The following GPC5 variants were observed in gnomAD, a reference collection of about 807,000 sequenced individuals.
The protein encoded by GPC5 is glypican 5, also known as glypican-5.
GPC5 carries 47 observed loss-of-function variants against 53.9 expected under a neutral mutation model. The ratio of observed to expected loss-of-function variants is 0.87; its 90% CI spans 0.69 to 1.11. The LOEUF (loss-of-function observed/expected upper bound fraction) is 1.11. Among genes scored for constraint, GPC5 ranks in the 50% most tolerant of loss-of-function variants. GPC5 has a pLI of 0.00. For missense variants in GPC5, 748 were observed against 713.1 expected, an observed-to-expected ratio of 1.05 and a Z score of -0.56; for synonymous variants, 286 against 263.3, an observed-to-expected ratio of 1.09 and a Z score of -0.84.
intron 7 of GPC5, among the ~76,000 whole-genome samples, chr13:92,311,042 G>A (rs1450329451): frequency 2.0e-5 from 3 of 152,106 alleles, no homozygotes; most frequent in Admixed American, 2.0e-4. Context: ...TGAAAATAGA[G>A]AGAAAAAATA....
At chr13:92,582,385 C>T (rs377347324) in intron 7 of GPC5, among the ~76,000 whole-genome samples, 10 of 152,086 alleles carry the variant, frequency 6.6e-5, no homozygotes, top group African/African-American at 2.4e-4. Flanking sequence ...TTGTTTATGC[C>T]TGTACCATAC....
At chr13:91,873,919 C>A (rs1017125074) in intron 5 of GPC5, among the ~76,000 whole-genome samples, 2 of 152,106 alleles carry the variant, frequency 1.3e-5, no homozygotes, top group African/African-American at 4.8e-5. Context: ...TGAACTCAAA[C>A]TATCCTCCTG....
At chr13:92,004,486 AT>A (rs1237741121) in intron 6 of GPC5, among the ~76,000 whole-genome samples, 2 of 125,060 alleles carry the variant, frequency 1.6e-5, no homozygotes, top group Admixed American at 8.0e-5. Flanking sequence ...ATATATATAT[AT>A]ATAATTACAC....
At chr13:92,516,364 C>A (rs1029088764) in intron 7 of GPC5, among the ~76,000 whole-genome samples, 4 of 151,944 alleles carry the variant, frequency 2.6e-5, no homozygotes, top group Non-Finnish European at 5.9e-5. Flanking sequence ...AATATTTATA[C>A]CTGTGAAGTT....
intron 7 of GPC5, among the ~76,000 whole-genome samples, chr13:92,335,431 A>G (rs1254158484): frequency 6.6e-6 from 1 of 152,028 alleles, no homozygotes; most frequent in East Asian, 1.9e-4. Context: ...TCCTAGGACT[A>G]TGGTGGAAGG....
intron 7 of GPC5, among the ~76,000 whole-genome samples, chr13:92,276,503 C>G (rs1364711969): frequency 6.6e-6 from 1 of 152,040 alleles, no homozygotes; most frequent in African/African-American, 2.4e-5. Flanking sequence ...ACAATATTTA[C>G]TCATAGTTGG....
At chr13:91,756,074 T>TG (rs1491175818) in intron 4 of GPC5, among the ~76,000 whole-genome samples, 4 of 21,902 alleles carry the variant, frequency 1.8e-4, no homozygotes, top group African/African-American at 4.9e-4. Context: ...GCTTTTTTTT[T>TG]GAAAAAAAAA....
chr13:92,536,566 G>C (rs1008209491), intron 7 of GPC5, among the ~76,000 whole-genome samples: 1 of 152,140 alleles, frequency 6.6e-6, no homozygotes, highest in East Asian at 1.9e-4. Context: ...TGTCCAGCCT[G>C]AGGGAAAAAC....
intron 7 of GPC5, among the ~76,000 whole-genome samples, chr13:92,836,152 G>A (rs1446576217): frequency 6.6e-6 from 1 of 151,792 alleles, no homozygotes; most frequent in African/African-American, 2.4e-5. Context: ...CCATACAAAA[G>A]TTTTTAGTGT....
At chr13:92,455,475 T>C (rs958584153) in intron 7 of GPC5, among the ~76,000 whole-genome samples, 4 of 152,190 alleles carry the variant, frequency 2.6e-5, no homozygotes, top group Admixed American at 6.5e-5. Flanking sequence ...TCTCTAGAAT[T>C]GTGTTTTGTA....
intron 7 of GPC5, among the ~76,000 whole-genome samples, chr13:92,392,095 C>T (rs1304392833): frequency 6.6e-6 from 1 of 152,130 alleles, no homozygotes; most frequent in Non-Finnish European, 1.5e-5. Context: ...AAAATTAAGC[C>T]AAGTATGTTC....
At chr13:91,674,286 G>T (rs2035316998) in intron 2 of GPC5, among the ~76,000 whole-genome samples, 1 of 151,918 alleles carries the variant, frequency 6.6e-6, no homozygotes. Context: ...ATGGTAGATT[G>T]CCTTTCCCAG....
intron 7 of GPC5, among the ~76,000 whole-genome samples, chr13:92,560,853 T>TTA (rs1314857015): frequency 3.2e-5 from 3 of 92,688 alleles, no homozygotes; most frequent in African/African-American, 6.5e-5. Context: ...AAATAGAAAA[T>TTA]TATATGTGTG....
Position 92,035,202 on chromosome 13 carries a change from G to A in GPC5, c.1402-109628G>A, listed in dbSNP as rs535224538. Among the ~76,000 whole-genome samples, 21 of 121,888 alleles carry A rather than the reference G, an allele frequency of 1.7e-4. No individual in the cohort carries two copies. The South Asian group carries it at 4.7e-3, about 27-fold the overall frequency. The allele number at this position is 121,888 out of a possible 152,430, so 80.0% of individuals were successfully genotyped here. A position where few individuals can be genotyped will look rare whatever the true frequency, so the allele number is the denominator to read the frequency against. ...TACACTCCAGCCTGGGCGACAGAGC[G>A]AGACTCCGTCTCAAAAAAAAAAAAA... On this transcript the variant is annotated intron_variant, in intron 6 of 7. Coordinates refer to ENST00000377067, the MANE Select transcript of GPC5 (RefSeq NM_004466.6).
At chr13:91,858,269 G>T (rs949830662) in intron 5 of GPC5, among the ~76,000 whole-genome samples, 1 of 151,766 alleles carries the variant, frequency 6.6e-6, no homozygotes, top group African/African-American at 2.4e-5. Flanking sequence ...AAGGCTTTCA[G>T]TTTCCCCCAT....
rs183767656 is a variant in GPC5, at chr13:91,886,835, G to C, written c.1281-21102G>C. Among the ~76,000 whole-genome samples, 11 of 152,334 alleles carry C rather than the reference G, an allele frequency of 7.2e-5. 1 individual carries two copies. The highest frequency in any genetic ancestry group is 2.6e-4 in the African/African-American group (11 of 41,590). ...GCCTTGGTCAGCTCTCCCCCTGTGGGTTTGCAGGGTACAGCCTCCCTCCTG... is the reference window on the plus strand; with the variant it reads ...GCCTTGGTCAGCTCTCCCCCTGTGGCTTTGCAGGGTACAGCCTCCCTCCTG... On this transcript the variant is annotated intron_variant, in intron 5 of 7. Transcript: ENST00000377067.
rs9561125 is a variant in GPC5, at chr13:92,712,892, G to A, written c.1562-153390G>A. Among the ~76,000 whole-genome samples the A allele has an allele frequency of 2.9e-3, 448 of 152,166 alleles. 18 individuals carry two copies. The East Asian group carries it at 0.077, about 26-fold the overall frequency. ...CATGGAAGACCATGTGAAGACAGAC[G>A]GAGAAGACAGCTGTCCACAAACCAG... On this transcript the variant is annotated intron_variant, in intron 7 of 7. Transcript: ENST00000377067.
chr13:92,489,018 T>C (rs1879662052), intron 7 of GPC5, among the ~76,000 whole-genome samples: 1 of 152,196 alleles, frequency 6.6e-6, no homozygotes, highest in South Asian at 2.1e-4. Flanking sequence ...TAAATATTAA[T>C]ATATCAGTTA....
At chr13:91,626,513 A>G (rs1307030980) in intron 2 of GPC5, among the ~76,000 whole-genome samples, 1 of 152,168 alleles carries the variant, frequency 6.6e-6, no homozygotes, top group Non-Finnish European at 1.5e-5. Context: ...CTATGCACGC[A>G]GGAAGATATA....
Sources: allele counts gnomAD v4.1 joint callset (sites outside exome capture counted in the v4.1 genomes callset), GRCh38; gene constraint gnomAD v4.1.1; transcripts MANE v1.5; gene names NCBI Gene and HGNC (gene_info 2026-07-23, HGNC 2026-07-21).